Variants in HYDIN observed in about 807,000 individuals in gnomAD.
HYDIN encodes axonemal central pair apparatus protein HYDIN.
In HYDIN, 132 loss-of-function variants were observed where a neutral mutation model predicts 403.9. The observed-to-expected ratio is 0.33, with a 90% confidence interval of 0.28 to 0.38. HYDIN has a LOEUF of 0.38. Ranked by LOEUF, HYDIN falls within the 10% of genes least tolerant of loss-of-function variation. The pLI is 1.00. For synonymous variants in HYDIN, 1,202 were observed against 1,891.7 expected, an observed-to-expected ratio of 0.64 and a Z score of 9.46; for missense variants, 2,827 against 5,009.5, an observed-to-expected ratio of 0.56 and a Z score of 13.15.
intron 21 of HYDIN, among the ~76,000 whole-genome samples, chr16:71,025,016 T>C (rs2080642631): frequency 6.6e-6 from 1 of 152,230 alleles, no homozygotes; most frequent in South Asian, 2.1e-4. Context: ...CAGTGGTAGA[T>C]ACTCTTACTG....
chr16:71,106,787 G>C (rs1327164675), intron 10 of HYDIN, among the ~76,000 whole-genome samples: 1 of 149,242 alleles, frequency 6.7e-6, no homozygotes, highest in Non-Finnish European at 1.5e-5. Context: ...TTTCAAAACA[G>C]GCATTACTAA....
At chr16:70,931,210 GTTTT>G (rs71387550) in intron 45 of HYDIN, among the ~76,000 whole-genome samples, 226 of 59,420 alleles carry the variant, frequency 3.8e-3, no homozygotes, top group Middle Eastern at 0.014. Flanking sequence ...TCTTTCTTCT[GTTTT>G]TTTTTTTTTT....
intron 18 of HYDIN, among the ~76,000 whole-genome samples, chr16:71,059,364 C>A (rs2082007060): frequency 6.6e-6 from 1 of 152,048 alleles, no homozygotes; most frequent in African/African-American, 2.4e-5. Context: ...ATATGACTAG[C>A]CAGTTATGCA....
chr16:70,966,730 G>A (rs1316654231), intron 36 of HYDIN, among the ~76,000 whole-genome samples: 2 of 152,004 alleles, frequency 1.3e-5, no homozygotes, highest in African/African-American at 4.8e-5. Flanking sequence ...CAGATAAATG[G>A]TTACGAATGT....
rs758757857 is a variant in HYDIN at position 70,860,759 on chromosome 16, C to T, written c.11920G>A (p.Gly3974Arg). Residue 3974 changes from glycine (G) to arginine (R), a missense_variant, in exon 70 of 86, where the codon GGG (glycine) becomes AGG (arginine). Coordinates refer to ENST00000393567, the MANE Select transcript of HYDIN (RefSeq NM_001270974.2). ...QRNPELRGSS[G>R]GALDPNTRVI... ...CGGGTGTTTGGATCCAGAGCTCCCC[C>T]ACTGGACCCTCGGAGCTCTGGGTTG... 1 of 588,068 alleles carries T rather than the reference C, an allele frequency of 1.7e-6. No individual in the cohort carries two copies. The highest frequency in any genetic ancestry group is 2.8e-5 in the East Asian group (1 of 35,650). 36.4% of individuals were successfully genotyped at this position (588,068 alleles called of 1,614,324 possible). A position where few individuals can be genotyped will look rare whatever the true frequency, so the allele number is the denominator to read the frequency against.
At chr16:71,062,517 G>T (rs6499423) in intron 16 of HYDIN, 184 bp from the exon 17 acceptor site, 12 of 543,172 alleles carry the variant, frequency 2.2e-5, no homozygotes, top group Non-Finnish European at 3.9e-5. Flanking sequence ...TGGGATGTGC[G>T]TGAGGCCCAA....
At chr16:70,832,789 T>C (rs1438817034) in intron 80 of HYDIN, 59 bp downstream of exon 80, 1 of 1,425,488 alleles carries the variant, frequency 7.0e-7, no homozygotes, top group Non-Finnish European at 9.8e-7. Flanking sequence ...GAGGCCTGGC[T>C]GAGTTCACTT....
At chr16:71,064,960 C>A in intron 15 of HYDIN, 120 bp from the exon 16 acceptor site, 1 of 846,920 alleles carries the variant, frequency 1.2e-6, no homozygotes, top group Non-Finnish European at 1.8e-6. Context: ...CTAATAACCA[C>A]ATTAGTCACT....
intron 8 of HYDIN, chr16:71,133,377 G>A: frequency 2.6e-6 from 1 of 383,874 alleles, no homozygotes; most frequent in Non-Finnish European, 5.0e-6. Flanking sequence ...TCCCTGTTTG[G>A]CAGTACCACG....
At chr16:70,950,032 A>G (rs2078015870) in intron 41 of HYDIN, among the ~76,000 whole-genome samples, 1 of 150,078 alleles carries the variant, frequency 6.7e-6, no homozygotes, top group Non-Finnish European at 1.5e-5. Context: ...ATAGTGCTCC[A>G]GAAGAAAATG....
At chr16:70,923,056 C>T (rs939942434) in intron 45 of HYDIN, among the ~76,000 whole-genome samples, 33 of 152,106 alleles carry the variant, frequency 2.2e-4, no homozygotes, top group African/African-American at 7.9e-4. Flanking sequence ...GCATAAGCCA[C>T]TATGCCTGGC....
In HYDIN at chr16:71,093,324, G is replaced by T. The variant is rs1041128908; in HGVS notation, c.1446+493C>A. Among the ~76,000 whole-genome samples the T allele has an allele frequency of 8.5e-5, 13 of 152,262 alleles. 1 individual carries two copies. Among genetic ancestry groups the T allele is most frequent in the African/African-American group, 2.9e-4 (12 of 41,542 alleles). ...TCTAATTAATTGGAAAGATAAAGCA[G>T]GAAAGTCTCTTCCAGAAACTGATTG... On this transcript the variant is annotated intron_variant, in intron 11 of 85. Transcript: ENST00000393567.
chr16:71,227,019 T>C (rs1163306987), intron 1 of HYDIN, among the ~76,000 whole-genome samples: 1 of 152,228 alleles, frequency 6.6e-6, no homozygotes, highest in Non-Finnish European at 1.5e-5. Context: ...CAATGAGATC[T>C]AGATCAAACC....
intron 11 of HYDIN, among the ~76,000 whole-genome samples, chr16:71,093,194 T>G (rs1557892): frequency 6.6e-6 from 1 of 152,210 alleles, no homozygotes; most frequent in Non-Finnish European, 1.5e-5. Context: ...TACAGTCTGA[T>G]GTAATGTAAA....
intron 1 of HYDIN, among the ~76,000 whole-genome samples, chr16:71,219,021 T>C (rs2089045189): frequency 6.6e-6 from 1 of 152,212 alleles, no homozygotes; most frequent in Non-Finnish European, 1.5e-5. Context: ...GTACTGGTAA[T>C]TGTTTTCAGA....
intron 66 of HYDIN, among the ~76,000 whole-genome samples, chr16:70,867,272 C>T (rs1227878863): frequency 1.3e-5 from 2 of 148,182 alleles, no homozygotes; most frequent in Non-Finnish European, 2.9e-5. Flanking sequence ...AAAATAGGCT[C>T]GTAATGAGAC....
rs1350169428 is a variant in HYDIN at position 70,958,428 on chromosome 16, T to C, written c.6142+1219A>G. On this transcript the variant is annotated intron_variant, in intron 39 of 85. Transcript: ENST00000393567. ...TGAGCCTCCACTAGAACAGAGCTGG[T>C]GGCTCTTTCCAGGTCAGTGCCTTTT... 4.6e-5 allele frequency among the ~76,000 whole-genome samples: 7 copies of C among 152,364 alleles called. No individual in the cohort carries two copies. In the East Asian group the frequency reaches 9.6e-4, roughly 21 times the overall value.
intron 47 of HYDIN, among the ~76,000 whole-genome samples, chr16:70,913,313 C>T (rs143640845): frequency 3.0e-3 from 460 of 152,136 alleles, no homozygotes; most frequent in African/African-American, 0.011. Flanking sequence ...TGCTGTATCC[C>T]AGAGGTTTTG....
At chr16:71,179,295 A>C (rs2086806750) in intron 3 of HYDIN, among the ~76,000 whole-genome samples, 2 of 152,194 alleles carry the variant, frequency 1.3e-5, no homozygotes, top group Admixed American at 1.3e-4. Flanking sequence ...CTACTTTTCA[A>C]CATCACAAGT....
Sources: gnomAD v4.1 joint callset for allele counts (sites outside exome capture counted in the v4.1 genomes callset) on GRCh38, gnomAD v4.1.1 for gene constraint, MANE v1.5 for transcripts, NCBI Gene and HGNC (gene_info 2026-07-23, HGNC 2026-07-21) for gene names.